KCNT1: variants seen among roughly 807,000 people sequenced by gnomAD.
The protein encoded by KCNT1 is potassium sodium-activated channel subfamily T member 1.
In KCNT1, 78 loss-of-function variants were observed where a neutral mutation model predicts 147.8. That is an observed-to-expected ratio of 0.53 (90% CI 0.44 to 0.64). The LOEUF is 0.64. KCNT1 is among the 30% of genes least tolerant of loss of function. The pLI, the probability that KCNT1 is intolerant of heterozygous loss-of-function variation, is 0.00. For synonymous variants in KCNT1, 867 were observed against 748.8 expected (o/e 1.16, Z -2.58); for missense variants, 1,419 against 1,750.3 (o/e 0.81, Z 3.38).
rs1399281318 is a variant in KCNT1 at position 135,785,462 on chromosome 9, T to C, written c.3177+132T>C. ...CTGGGAAAGCCGAGGCAGGAGCGGGTCCCACGGATGTGTCGGCCCCAGCAC... is the reference window on the plus strand; with the variant it reads ...CTGGGAAAGCCGAGGCAGGAGCGGGCCCCACGGATGTGTCGGCCCCAGCAC... On this transcript the variant is annotated intron_variant, in intron 28 of 30. Coordinates refer to ENST00000371757, the MANE Select transcript of KCNT1 (RefSeq NM_020822.3). 4.4e-6 allele frequency: 5 copies of C among 1,127,434 alleles called. No homozygotes were observed. In the Admixed American group the frequency reaches 9.4e-5, roughly 21 times the overall value. The allele number at this position is 1,127,434 out of a possible 1,614,324, so 69.8% of individuals were successfully genotyped here.
At chr9:135,743,020 A>G (rs1046223870) in intron 2 of KCNT1, among the ~76,000 whole-genome samples, 2 of 151,960 alleles carry the variant, frequency 1.3e-5, no homozygotes, top group Non-Finnish European at 2.9e-5. Flanking sequence ...CTTGGAGAGG[A>G]GCCTGAACTT....
rs118010971 is a variant in KCNT1, at chr9:135,703,173, C to T, written c.110+805C>T. On this transcript the variant is annotated intron_variant, in intron 1 of 30. Coordinates refer to ENST00000371757, the MANE Select transcript of KCNT1 (RefSeq NM_020822.3). ...GGCAAGTCTGCCCCTCACCCTGTCC[C>T]CAGAGCCAGACTCCAGGGAACCCTG... 792 of 152,572 alleles carry T rather than the reference C, an allele frequency of 5.2e-3. 5 individuals are homozygous for T. The highest frequency in any genetic ancestry group is 0.034 in the Middle Eastern group (10 of 296). The allele number at this position is 152,572 out of a possible 1,614,324, so 9.5% of individuals were successfully genotyped here. A position where few individuals can be genotyped will look rare whatever the true frequency, so the allele number is the denominator to read the frequency against.
In KCNT1 at chr9:135,786,230, G is replaced by A; in HGVS notation, c.3211G>A (p.Asp1071Asn). The change falls in exon 29 of 31, where the codon GAC (aspartate) becomes AAC (asparagine). Residue 1071 changes from aspartate to asparagine, a missense_variant. By Grantham distance (23) the Asp-to-Asn change is conservative. Coordinates refer to ENST00000371757, the MANE Select transcript of KCNT1 (RefSeq NM_020822.3). The part of the protein sequence containing the change: ...QISVNVEDCE[D>N]TREVKGPWGS... ...CTCGGTGAACGTGGAGGACTGTGAG[G>A]ACACACGGGAAGTGAAGGGGCCCTG... 1 of 1,611,536 alleles carries A rather than the reference G, an allele frequency of 6.2e-7. No homozygotes were observed. The highest frequency in any genetic ancestry group is 8.5e-7 in the Non-Finnish European group (1 of 1,179,546).
At chr9:135,747,522 AC>A (rs1830898357) in intron 2 of KCNT1, among the ~76,000 whole-genome samples, 1 of 151,970 alleles carries the variant, frequency 6.6e-6, no homozygotes, top group South Asian at 2.1e-4. Flanking sequence ...CGCAGCCTGG[AC>A]CTCCAGCATC....
intron 24 of KCNT1, among the ~76,000 whole-genome samples, chr9:135,781,362 G>A (rs1032522390): frequency 6.6e-6 from 1 of 152,126 alleles, no homozygotes; most frequent in South Asian, 2.1e-4. Context: ...AGAGGGTGCC[G>A]TGGACCACCT....
At chr9:135,717,047 T>C (rs1835747197) in intron 2 of KCNT1, among the ~76,000 whole-genome samples, 1 of 147,076 alleles carries the variant, frequency 6.8e-6, no homozygotes, top group African/African-American at 2.6e-5. Context: ...CCCTGTGGTG[T>C]TGGTGTCTAT....
chr9:135,775,491 C>G, intron 20 of KCNT1, 76 bp downstream of exon 20: 1 of 1,081,008 alleles, frequency 9.3e-7, no homozygotes, highest in Non-Finnish European at 1.3e-6. Flanking sequence ...CCTGGTTTCT[C>G]TTTGGTCACT....
intron 13 of KCNT1, among the ~76,000 whole-genome samples, chr9:135,767,031 C>T (rs968582250): frequency 3.3e-5 from 5 of 152,122 alleles, no homozygotes; most frequent in African/African-American, 4.8e-5. Flanking sequence ...CAGAATGTGT[C>T]GGTGCACTTT....
At chr9:135,715,304 T>C (rs1014518259) in intron 2 of KCNT1, among the ~76,000 whole-genome samples, 3 of 152,250 alleles carry the variant, frequency 2.0e-5, no homozygotes, top group African/African-American at 7.2e-5. Context: ...ATTCATCCGC[T>C]GAGGGGGCTG....
intron 2 of KCNT1, among the ~76,000 whole-genome samples, chr9:135,726,254 G>A (rs1486661002): frequency 6.6e-6 from 1 of 152,056 alleles, no homozygotes; most frequent in Non-Finnish European, 1.5e-5. Flanking sequence ...ACAGCACTAC[G>A]TGGCACAGGG....
rs1362199678 is a variant in KCNT1, at chr9:135,730,121, T to G, written c.254+15401T>G. Among the ~76,000 whole-genome samples the G allele has an allele frequency of 6.6e-6, 1 of 152,144 alleles. No homozygotes were observed. The highest frequency in any genetic ancestry group is 6.5e-5 in the Admixed American group (1 of 15,272). Reference sequence around the variant, plus strand: ...GGAGCTGTGCACCCCCAAATATAATTCCTGCTGGAAACACCCTCGACCCTT... The same window carrying G: ...GGAGCTGTGCACCCCCAAATATAATGCCTGCTGGAAACACCCTCGACCCTT... On this transcript the variant is annotated intron_variant, in intron 2 of 30. Coordinates refer to ENST00000371757, the MANE Select transcript of KCNT1 (RefSeq NM_020822.3). This position sits in a 1 kb window ranked among gnomAD's most constrained non-coding sequence, Gnocchi z 4.7.
Position 135,786,409 on chromosome 9 carries a change from G to A in KCNT1, c.3390G>A (p.Ala1130=), listed in dbSNP as rs77912754. 1.1e-3 allele frequency: 1,787 copies of A among 1,580,114 alleles called. 30 individuals carry two copies. The East Asian group carries it at 0.034, about 30-fold the overall frequency. Residue 1130 remains alanine, a synonymous_variant, in exon 29 of 31, where the codon GCG becomes GCA. Transcript: ENST00000371757. ...APKQAGRAAA[A]EWISQQRLSL... ...AGCAGGCAGGCCGGGCGGCGGCCGCGGAGTGGATCAGCCAGCAGCGCCTCA... is the reference window on the plus strand; with the variant it reads ...AGCAGGCAGGCCGGGCGGCGGCCGCAGAGTGGATCAGCCAGCAGCGCCTCA...
chr9:135,733,597 C>T (rs1429475541), intron 2 of KCNT1, among the ~76,000 whole-genome samples: 1 of 98,550 alleles, frequency 1.0e-5, no homozygotes, highest in Non-Finnish European at 2.1e-5. Context: ...CCTGCCTTTG[C>T]ACCTGCCCCC....
rs114038295 is a variant in KCNT1 at position 135,788,624 on chromosome 9, C to T, written c.3502+2103C>T. On this transcript the variant is annotated intron_variant, in intron 29 of 30. Coordinates refer to ENST00000371757, the MANE Select transcript of KCNT1 (RefSeq NM_020822.3). ...TCCCGAGCCAGGGCCCCGGGAGGAG[C>T]TCGGTGAAGCCTGGGCTGGATGCAG... 7.8e-3 allele frequency among the ~76,000 whole-genome samples: 1,186 copies of T among 152,282 alleles called. 22 individuals carry two copies. The highest frequency in any genetic ancestry group is 0.027 in the African/African-American group (1,118 of 41,568).
intron 2 of KCNT1, among the ~76,000 whole-genome samples, chr9:135,745,186 G>A (rs1360730464): frequency 6.6e-6 from 1 of 152,206 alleles, no homozygotes; most frequent in African/African-American, 2.4e-5. Context: ...AATGGACACA[G>A]GAAGTAGATT....
chr9:135,776,419 G>A (rs1268437367), intron 20 of KCNT1, among the ~76,000 whole-genome samples: 2 of 151,968 alleles, frequency 1.3e-5, no homozygotes, highest in Non-Finnish European at 2.9e-5. Flanking sequence ...CACCACACCT[G>A]GCTAATTTTA....
At chr9:135,767,331 G>T (rs943966812) in intron 13 of KCNT1, among the ~76,000 whole-genome samples, 28 of 152,238 alleles carry the variant, frequency 1.8e-4, no homozygotes, top group African/African-American at 6.8e-4. Flanking sequence ...AGGGCTGTGG[G>T]TACAGGGCCT....
In KCNT1 at chr9:135,772,029, T is replaced by C. The variant is rs545721496; in HGVS notation, c.2009-686T>C. Among the ~76,000 whole-genome samples the C allele has an allele frequency of 1.9e-3, 294 of 152,258 alleles. 2 individuals are homozygous for C. Among genetic ancestry groups the C allele is most frequent in the African/African-American group, 6.5e-3 (270 of 41,560 alleles). On this transcript the variant is annotated intron_variant, in intron 18 of 30. Transcript: ENST00000371757. The stretch of plus-strand genomic sequence containing the variant: ...GCCCTGGGGTTTGGAGACGTGCCGA[T>C]GCGGAGCCCACCACCTGCCAGACCC...
At position 135,714,687 on chromosome 9, in the gene KCNT1, TG is replaced by T; in HGVS notation, c.222del (p.Leu75TrpfsTer39). The T allele has an allele frequency of 6.8e-7, 1 of 1,473,762 alleles. No homozygotes were observed. Among genetic ancestry groups the T allele is most frequent in the Non-Finnish European group, 9.1e-7 (1 of 1,102,048 alleles). The allele number at this position is 1,473,762 out of a possible 1,614,324, so 91.3% of individuals were successfully genotyped here. On this transcript the variant is annotated frameshift_variant, in exon 2 of 31. Coordinates refer to ENST00000371757, the MANE Select transcript of KCNT1 (RefSeq NM_020822.3). LOFTEE classifies it high-confidence loss of function. This position sits in a 1 kb window ranked among gnomAD's most constrained non-coding sequence, Gnocchi z 6.2. ...LPPRYRFRDL[L>X]LGDPSFQNDD... ...CCGCGCTACCGCTTCCGGGACCTGC[TG>T]CTGGGCGACCCGTCCTTCCAGAACG...
Sources: gnomAD v4.1 joint callset for allele counts (sites outside exome capture counted in the v4.1 genomes callset) on GRCh38, gnomAD v4.1.1 for gene constraint, Gnocchi (gnomAD v3.1) non-coding constraint, MANE v1.5 for transcripts, NCBI Gene and HGNC (gene_info 2026-07-23, HGNC 2026-07-21) for gene names.